Variants in MED12L observed in about 807,000 individuals in gnomAD.
The protein encoded by MED12L is mediator complex subunit 12L.
Under a neutral mutation model 281.3 loss-of-function variants are expected in MED12L, and 60 were observed. That is an observed-to-expected ratio of 0.21 (90% confidence interval 0.17 to 0.26). The LOEUF (loss-of-function observed/expected upper bound fraction) is 0.26. MED12L is among the 10% of genes least tolerant of loss of function. MED12L has a pLI of 1.00. For synonymous variants in MED12L, 974 were observed against 987.2 expected, an observed-to-expected ratio of 0.99 and a Z score of 0.25; for missense variants, 2,146 against 2,680.9, an observed-to-expected ratio of 0.80 and a Z score of 4.41.
At chr3:151,416,154 G>A (rs1717522369) in intron 42 of MED12L, among the ~76,000 whole-genome samples, 158 bp from the exon 43 acceptor site, 1 of 152,194 alleles carries the variant, frequency 6.6e-6, no homozygotes, top group Admixed American at 6.5e-5. Flanking sequence ...GCCCTCAAAA[G>A]GACGAATGAG....
intron 2 of MED12L, among the ~76,000 whole-genome samples, chr3:151,106,129 C>G (rs1364827278): frequency 6.6e-6 from 1 of 152,160 alleles, no homozygotes; most frequent in Non-Finnish European, 1.5e-5. Context: ...TTACCCTCAG[C>G]CTCCCAGTTG....
chr3:151,246,158 G>A (rs1182411797), intron 16 of MED12L, among the ~76,000 whole-genome samples: 4 of 152,160 alleles, frequency 2.6e-5, no homozygotes, highest in Non-Finnish European at 5.9e-5. Flanking sequence ...ATGCTCATGG[G>A]TAGGAAGAAT....
Position 151,165,457 on chromosome 3 carries a change from A to C in MED12L, c.1295A>C (p.Lys432Thr). 6.2e-7 allele frequency: 1 copy of C among 1,614,134 alleles called. No homozygotes were observed. Among genetic ancestry groups the C allele is most frequent in the Non-Finnish European group, 8.5e-7 (1 of 1,179,962 alleles). ...ATTTATGAAGTAGAACAACAGATAA[A>C]ACAAAGAGGCCGTGCAGTGGAAGTT... ...ARIYEVEQQI[K>T]QRGRAVEVRW... The change falls in exon 10 of 45, where the codon AAA becomes ACA. Residue 432 changes from lysine to threonine, a missense_variant. By Grantham distance (78) the Lys-to-Thr change is moderately conservative. Coordinates refer to ENST00000687756, the MANE Select transcript of MED12L (RefSeq NM_001393769.1).
At chr3:151,422,528 T>C (rs958658012) in intron 43 of MED12L, among the ~76,000 whole-genome samples, 3 of 152,190 alleles carry the variant, frequency 2.0e-5, no homozygotes, top group Admixed American at 1.3e-4. Flanking sequence ...TGTCTACTTT[T>C]TTATAAGGAT....
chr3:151,294,632 G>A lies in MED12L; in HGVS notation c.2251-55427G>A, dbSNP rs35521104. ...GCAGCTGTTCACATAGGTGACTGCC[G>A]TATGCCATTTGACCCCCAAAGGACT... On this transcript the variant is annotated intron_variant, in intron 16 of 44. Transcript: ENST00000687756. 961 of 1,614,096 alleles carry A rather than the reference G, an allele frequency of 6.0e-4. 8 individuals are homozygous for A. In the African/African-American group the frequency reaches 0.011, roughly 19 times the overall value.
intron 5 of MED12L, among the ~76,000 whole-genome samples, chr3:151,129,229 G>A (rs1473697159): frequency 6.6e-6 from 1 of 152,086 alleles, no homozygotes; most frequent in African/African-American, 2.4e-5. Context: ...GGTGGGGAGT[G>A]GTGTGATTGG....
At chr3:151,221,425 C>G (rs1450090748) in intron 16 of MED12L, among the ~76,000 whole-genome samples, 3 of 152,180 alleles carry the variant, frequency 2.0e-5, no homozygotes, top group Non-Finnish European at 4.4e-5. Context: ...TGTCAAAGGT[C>G]TTTACTGCAA....
At chr3:151,198,913 C>T in intron 16 of MED12L, 1 of 1,613,984 alleles carries the variant, frequency 6.2e-7, no homozygotes, top group Non-Finnish European at 8.5e-7. Context: ...TTGACTTTTC[C>T]TTGATGTCTT....
intron 16 of MED12L, among the ~76,000 whole-genome samples, chr3:151,254,513 C>CA (rs539292502): frequency 1.3e-3 from 193 of 152,324 alleles, no homozygotes; most frequent in Non-Finnish European, 2.4e-3. Flanking sequence ...GATATGTAAA[C>CA]ATGCTATATA....
At position 151,394,813 on chromosome 3, in the gene MED12L, G is replaced by A. The variant is rs1714745063; in HGVS notation, c.5766G>A (p.Gln1922=). 1 of 1,613,946 alleles carries A rather than the reference G, an allele frequency of 6.2e-7. No homozygotes were observed. The highest frequency in any genetic ancestry group is 1.7e-5 in the Admixed American group (1 of 60,010). The part of the protein sequence containing the change: ...QQQLIQMKLL[Q]QQQQQRLLRQ... ...AGTTGATACAGATGAAGCTTCTGCA[G>A]CAGCAGCAGCAACAGCGACTTCTCA... Residue 1922 remains glutamine, a synonymous_variant, in exon 39 of 45, where the codon CAG becomes CAA. Coordinates refer to ENST00000687756, the MANE Select transcript of MED12L (RefSeq NM_001393769.1).
intron 16 of MED12L, among the ~76,000 whole-genome samples, chr3:151,224,029 C>G (rs968719016): frequency 6.6e-6 from 1 of 152,192 alleles, no homozygotes; most frequent in South Asian, 2.1e-4. Flanking sequence ...CCTAATATTA[C>G]TGCCTATTAA....
At chr3:151,168,786 A>G (rs1721030571) in intron 11 of MED12L, among the ~76,000 whole-genome samples, 1 of 151,966 alleles carries the variant, frequency 6.6e-6, no homozygotes, top group African/African-American at 2.4e-5. Flanking sequence ...GCTCCCTGCA[A>G]CCTCTGCCTC....
intron 16 of MED12L, chr3:151,295,070 A>G: frequency 2.5e-6 from 4 of 1,613,970 alleles, no homozygotes; most frequent in Non-Finnish European, 3.4e-6. Flanking sequence ...TAAACCATTC[A>G]GCAAGATGCT....
At chr3:151,237,214 A>G (rs563057075) in intron 16 of MED12L, among the ~76,000 whole-genome samples, 18 of 150,286 alleles carry the variant, frequency 1.2e-4, no homozygotes, top group African/African-American at 4.4e-4. Flanking sequence ...AATTTTTTGT[A>G]TTTTTAGTAG....
chr3:151,111,762 T>C lies in MED12L; in HGVS notation c.100-4576T>C, dbSNP rs73869136. Among the ~76,000 whole-genome samples, 1,440 of 152,314 alleles carry C rather than the reference T, an allele frequency of 9.5e-3. 23 individuals carry two copies. Among genetic ancestry groups the C allele is most frequent in the African/African-American group, 0.033 (1,352 of 41,568 alleles). ...GAGCCTGTGAACCTCCTTTTCAGAA[T>C]AGGGCTCTAAAAGATAAAAGCTATC... On this transcript the variant is annotated intron_variant, in intron 2 of 44. Transcript: ENST00000687756.
intron 7 of MED12L, among the ~76,000 whole-genome samples, chr3:151,159,337 T>A (rs1033732247): frequency 3.3e-5 from 5 of 152,220 alleles, no homozygotes; most frequent in Non-Finnish European, 7.3e-5. Context: ...ACAGCACTTC[T>A]CCCTTTCACT....
intron 16 of MED12L, chr3:151,328,858 C>T (rs753476138): frequency 1.9e-6 from 3 of 1,613,874 alleles, no homozygotes; most frequent in Non-Finnish European, 2.5e-6. Context: ...CAAACACCCA[C>T]AGAGCCAAAG....
At chr3:151,190,379 C>T (rs138013351) in intron 13 of MED12L, among the ~76,000 whole-genome samples, 2,769 of 152,088 alleles carry the variant, frequency 0.018, 87 homozygotes, top group African/African-American at 0.064. Flanking sequence ...ACCATATTGG[C>T]CAGGCTGGTC....
intron 2 of MED12L, among the ~76,000 whole-genome samples, chr3:151,104,906 A>C (rs1295447935): frequency 1.3e-5 from 2 of 152,088 alleles, no homozygotes; most frequent in Non-Finnish European, 2.9e-5. Context: ...CATCCCTTCC[A>C]TATGTGGACA....
Sources: allele counts gnomAD v4.1 joint callset (sites outside exome capture counted in the v4.1 genomes callset), GRCh38; gene constraint gnomAD v4.1.1; transcripts MANE v1.5; gene names NCBI Gene and HGNC (gene_info 2026-07-23, HGNC 2026-07-21).